ZNF133: variants seen among roughly 807,000 people sequenced by gnomAD.
ZNF133 encodes the protein zinc finger protein 133 (clone pHZ-13).
ZNF133 carries 26 observed loss-of-function variants against 54.9 expected under a neutral mutation model. That is an observed-to-expected ratio of 0.47 (90% confidence interval 0.35 to 0.66). The LOEUF (loss-of-function observed/expected upper bound fraction) is 0.66. Ranked by LOEUF, ZNF133 falls within the 30% of genes least tolerant of loss-of-function variation. ZNF133 has a pLI of 0.01. For synonymous variants in ZNF133, 298 were observed against 320.3 expected (o/e 0.93, Z 0.74); for missense variants, 653 against 820.8 (o/e 0.80, Z 2.50).
chr20:18,309,202 C>G (rs562797191), intron 6 of ZNF133, among the ~76,000 whole-genome samples: 2 of 152,300 alleles, frequency 1.3e-5, no homozygotes, highest in African/African-American at 4.8e-5. Context: ...AAGGCCCTGT[C>G]TCCAAATACA....
chr20:18,295,085 G>T (rs2041955204), intron 1 of ZNF133: 1 of 152,144 alleles, frequency 6.6e-6, no homozygotes, highest in African/African-American at 2.4e-5. Flanking sequence ...TGACCATCTG[G>T]AGTTAATTTT....
chr20:18,314,355 T>G (rs2046900022), intron 6 of ZNF133: 2 of 152,218 alleles, frequency 1.3e-5, no homozygotes, highest in South Asian at 2.1e-4. Flanking sequence ...TTTCTTCTTT[T>G]ACACTGATTT....
intron 3 of ZNF133, among the ~76,000 whole-genome samples, chr20:18,303,928 A>C (rs1415062520): frequency 6.6e-6 from 1 of 152,252 alleles, no homozygotes; most frequent in Non-Finnish European, 1.5e-5. Flanking sequence ...AATAAAAGAA[A>C]AGAATAGTGA....
Position 18,315,081 on chromosome 20 carries a change from C to A in ZNF133, c.230C>A (p.Pro77Gln). The A allele has an allele frequency of 6.5e-7, 1 of 1,529,258 alleles. No individual in the cohort carries two copies. The highest frequency in any genetic ancestry group is 8.8e-7 in the Non-Finnish European group (1 of 1,139,730). The allele number at this position is 1,529,258 out of a possible 1,614,324, so 94.7% of individuals were successfully genotyped here. A position where few individuals can be genotyped will look rare whatever the true frequency, so the allele number is the denominator to read the frequency against. ...TTTCTCTCTGCAGCAGATCCAGAGC[C>A]AGAGCTCTACCTCGATCCTTTCTGC... ...SPATCPADPEPELYLDPFCPP... is the reference protein window; with the variant it reads ...SPATCPADPEQELYLDPFCPP... The change falls in exon 7 of 7, where the codon CCA (proline) becomes CAA (glutamine). Residue 77 changes from proline to glutamine, a missense_variant. By Grantham distance (76) the Pro-to-Gln change is moderately conservative (BLOSUM62 -1). This residue lies in a region of ZNF133 where 227 missense variants were observed against 233.9 expected (regional missense o/e 0.97). Coordinates refer to ENST00000425686, the MANE Select transcript of ZNF133 (RefSeq NM_001352452.2).
intron 6 of ZNF133, among the ~76,000 whole-genome samples, chr20:18,307,050 A>G (rs921813668): frequency 2.4e-4 from 31 of 129,900 alleles, no homozygotes; most frequent in African/African-American, 1.2e-3. Flanking sequence ...CACAGTTCCA[A>G]TCACCCCCCC....
intron 3 of ZNF133, among the ~76,000 whole-genome samples, chr20:18,299,923 G>A (rs975792997): frequency 2.2e-4 from 33 of 152,244 alleles, no homozygotes; most frequent in African/African-American, 7.9e-4. Flanking sequence ...ACAACCACTA[G>A]ACCTACCCTA....
intron 6 of ZNF133, among the ~76,000 whole-genome samples, chr20:18,307,371 G>C (rs2044873453): frequency 6.6e-6 from 1 of 152,212 alleles, no homozygotes; most frequent in Admixed American, 6.5e-5. Context: ...CTTCATTCTT[G>C]AAGTGTATCT....
At chr20:18,307,478 C>T (rs2044907014) in intron 6 of ZNF133, among the ~76,000 whole-genome samples, 1 of 152,166 alleles carries the variant, frequency 6.6e-6, no homozygotes, top group South Asian at 2.1e-4. Context: ...GAGAAGTCAC[C>T]ATGAACATAA....
chr20:18,305,579 G>C lies in ZNF133; in HGVS notation c.-6-102G>C. 1 of 1,549,666 alleles carries C rather than the reference G, an allele frequency of 6.5e-7. No homozygotes were observed. Among genetic ancestry groups the C allele is most frequent in the Admixed American group, 1.9e-5 (1 of 52,814 alleles). The stretch of plus-strand genomic sequence containing the variant: ...ATGGCACCAGGGTCACTGGGATCTT[G>C]ATATCTCACCTGCCTCCCCCAGGGC... On this transcript the variant is annotated intron_variant, in intron 4 of 6. Transcript: ENST00000425686. The surrounding 1 kb of genome is among the most constrained non-coding windows in gnomAD (Gnocchi z 4.7).
intron 1 of ZNF133, among the ~76,000 whole-genome samples, chr20:18,291,709 A>G (rs1204463142): frequency 7.2e-6 from 1 of 138,890 alleles, no homozygotes; most frequent in Non-Finnish European, 1.6e-5. Flanking sequence ...TTCCAGTTGG[A>G]TTTTTTTTTT....
At chr20:18,304,272 G>A (rs915135463) in intron 3 of ZNF133, among the ~76,000 whole-genome samples, 1 of 152,184 alleles carries the variant, frequency 6.6e-6, no homozygotes, top group Non-Finnish European at 1.5e-5. Context: ...AGTAAGTGTT[G>A]ACAAGGTTGT....
At chr20:18,311,926 A>G (rs544395208) in intron 6 of ZNF133, among the ~76,000 whole-genome samples, 1 of 152,322 alleles carries the variant, frequency 6.6e-6, no homozygotes, top group South Asian at 2.1e-4. Context: ...ATATTAGCCT[A>G]TCTGATTTTT....
In ZNF133 at chr20:18,306,343, G is replaced by A; in HGVS notation, c.167G>A (p.Gly56Glu). 1 of 1,613,956 alleles carries A rather than the reference G, an allele frequency of 6.2e-7. No homozygotes were observed. Among genetic ancestry groups the A allele is most frequent in the Non-Finnish European group, 8.5e-7 (1 of 1,179,944 alleles). Reference sequence around the variant, plus strand: ...GAACTCATCACCCAGCTGGAGCAAGGGAAAGAGACCTGGAGAGAGGAAAAA... The same window carrying A: ...GAACTCATCACCCAGCTGGAGCAAGAGAAAGAGACCTGGAGAGAGGAAAAA... ...KPELITQLEQ[G>E]KETWREEKKC... Residue 56 changes from glycine (G) to glutamate (E), a missense_variant, in exon 6 of 7, where the codon GGG (glycine) becomes GAG (glutamate). By Grantham distance (98) the Gly-to-Glu change is moderately conservative. This residue lies in a region of ZNF133 where 227 missense variants were observed against 233.9 expected (regional missense o/e 0.97). Coordinates refer to ENST00000425686, the MANE Select transcript of ZNF133 (RefSeq NM_001352452.2).
At chr20:18,309,409 A>G (rs1022510777) in intron 6 of ZNF133, among the ~76,000 whole-genome samples, 1 of 152,234 alleles carries the variant, frequency 6.6e-6, no homozygotes, top group Non-Finnish European at 1.5e-5. Flanking sequence ...ACTGGTGTAT[A>G]AGCTGAAAGG....
intron 1 of ZNF133, among the ~76,000 whole-genome samples, chr20:18,296,578 A>C (rs2042272722): frequency 6.6e-6 from 1 of 152,146 alleles, no homozygotes; most frequent in Non-Finnish European, 1.5e-5. Flanking sequence ...TTCTAGGTTC[A>C]TGTTGTAGCA....
chr20:18,306,800 G>A (rs1006360473), intron 6 of ZNF133: 158 of 1,224,442 alleles, frequency 1.3e-4, no homozygotes, highest in Non-Finnish European at 1.5e-4. Flanking sequence ...AATTGAAATG[G>A]AATTCTAAAA....
At chr20:18,314,908 G>A (rs1004681085) in intron 6 of ZNF133, 161 bp from the exon 7 acceptor site, 8 of 605,260 alleles carry the variant, frequency 1.3e-5, no homozygotes, top group South Asian at 9.5e-5. Flanking sequence ...AATGCTAGAC[G>A]TAATAAGTAG....
intron 3 of ZNF133, among the ~76,000 whole-genome samples, chr20:18,300,085 CT>C (rs1484263150): frequency 1.3e-5 from 2 of 152,176 alleles, no homozygotes; most frequent in East Asian, 1.9e-4. Flanking sequence ...TGTAACTTCA[CT>C]TTTTGTTCTC....
intron 1 of ZNF133, 56 bp from the exon 2 acceptor site, chr20:18,297,929 C>A: frequency 1.7e-6 from 2 of 1,209,448 alleles, no homozygotes; most frequent in Non-Finnish European, 2.3e-6. Flanking sequence ...CCCTGCTTCA[C>A]TCATGGGGAG....
Sources: allele counts gnomAD v4.1 joint callset (sites outside exome capture counted in the v4.1 genomes callset), GRCh38; gene constraint gnomAD v4.1.1; regional missense constraint gnomAD v4.1.1; non-coding constraint Gnocchi (gnomAD v3.1); transcripts MANE v1.5; gene names NCBI Gene and HGNC (gene_info 2026-07-23, HGNC 2026-07-21).